The following RALGPS1 variants were observed in gnomAD, a reference collection of about 807,000 sequenced individuals.
The protein encoded by RALGPS1 is Ral GEF with PH domain and SH3 binding motif 1.
Under a neutral mutation model 78.8 loss-of-function variants are expected in RALGPS1, and 19 were observed. That is an observed-to-expected ratio of 0.24 (90% CI 0.17 to 0.35). The LOEUF (loss-of-function observed/expected upper bound fraction) is 0.35, where lower values mean the gene tolerates loss of function less well. RALGPS1 is among the 10% of genes least tolerant of loss of function. The pLI is 1.00. For missense variants in RALGPS1, 454 were observed against 688.3 expected, an observed-to-expected ratio of 0.66 and a Z score of 3.81; for synonymous variants, 228 against 256.3, an observed-to-expected ratio of 0.89 and a Z score of 1.06.
chr9:127,057,842 C>T (rs1253325496), intron 7 of RALGPS1, among the ~76,000 whole-genome samples: 1 of 152,168 alleles, frequency 6.6e-6, no homozygotes, highest in Non-Finnish European at 1.5e-5. Flanking sequence ...CCTAGTCTGG[C>T]TGGCACAAGA....
chr9:127,175,080 A>T (rs2059782557), intron 11 of RALGPS1, among the ~76,000 whole-genome samples: 1 of 152,162 alleles, frequency 6.6e-6, no homozygotes, highest in South Asian at 2.1e-4. Context: ...AAGGTAGAGA[A>T]AGCCCCAGCA....
intron 8 of RALGPS1, among the ~76,000 whole-genome samples, chr9:127,075,802 C>A (rs1386604254): frequency 6.6e-6 from 1 of 152,218 alleles, no homozygotes; most frequent in East Asian, 1.9e-4. Flanking sequence ...TGTAACAATT[C>A]TTTTAACCCT....
At chr9:127,137,377 G>A (rs772624821) in intron 8 of RALGPS1, among the ~76,000 whole-genome samples, 2 of 152,234 alleles carry the variant, frequency 1.3e-5, no homozygotes, top group Non-Finnish European at 2.9e-5. Context: ...GAACTGTCAG[G>A]ATGACACCAC....
intron 1 of RALGPS1, among the ~76,000 whole-genome samples, chr9:126,921,797 A>G (rs1483347715): frequency 6.6e-6 from 1 of 152,246 alleles, no homozygotes. Context: ...GGGAGACGCT[A>G]CAAAATAGGG....
intron 8 of RALGPS1, among the ~76,000 whole-genome samples, chr9:127,086,810 A>C (rs1192763869): frequency 6.6e-6 from 1 of 152,026 alleles, no homozygotes; most frequent in Non-Finnish European, 1.5e-5. Context: ...TTACAAGGAG[A>C]CAGTTCTAGC....
chr9:127,171,012 C>T (rs1022245338), intron 10 of RALGPS1, among the ~76,000 whole-genome samples: 2 of 152,258 alleles, frequency 1.3e-5, no homozygotes, highest in Non-Finnish European at 2.9e-5. Flanking sequence ...TCCTCACCCA[C>T]AAGGATGCAA....
chr9:127,187,876 A>C (rs1385330498), intron 11 of RALGPS1, among the ~76,000 whole-genome samples: 1 of 152,048 alleles, frequency 6.6e-6, no homozygotes, highest in African/African-American at 2.4e-5. Flanking sequence ...CAGCGCTTTG[A>C]GCAGAGTTTC....
intron 4 of RALGPS1, among the ~76,000 whole-genome samples, chr9:126,980,371 C>A (rs1286267015): frequency 2.0e-5 from 3 of 152,186 alleles, no homozygotes; most frequent in African/African-American, 4.8e-5. Flanking sequence ...GGCTGTGTTT[C>A]AACCCTGGCT....
intron 4 of RALGPS1, among the ~76,000 whole-genome samples, chr9:126,986,723 C>G (rs78342049): frequency 6.6e-5 from 10 of 152,312 alleles, no homozygotes; most frequent in African/African-American, 2.4e-4. Context: ...ACAGCCTGTG[C>G]TTTATTCAGC....
intron 1 of RALGPS1, among the ~76,000 whole-genome samples, chr9:126,950,626 A>G (rs2037721603): frequency 6.6e-6 from 1 of 152,136 alleles, no homozygotes; most frequent in Non-Finnish European, 1.5e-5. Flanking sequence ...ACGAGAACAA[A>G]GACACAACAT....
chr9:127,195,638 C>T (rs1271893673), intron 12 of RALGPS1, among the ~76,000 whole-genome samples: 2 of 152,244 alleles, frequency 1.3e-5, no homozygotes, highest in Non-Finnish European at 2.9e-5. Context: ...AACCTGCTGG[C>T]TCATCAGTCC....
chr9:126,966,319 G>A (rs987360885), intron 3 of RALGPS1, among the ~76,000 whole-genome samples: 4 of 152,068 alleles, frequency 2.6e-5, no homozygotes, highest in African/African-American at 9.7e-5. Flanking sequence ...AGGAGTTCGA[G>A]ATCAGCCTGG....
At chr9:126,999,577 G>A (rs968141912) in intron 4 of RALGPS1, among the ~76,000 whole-genome samples, 5 of 152,140 alleles carry the variant, frequency 3.3e-5, no homozygotes, top group Non-Finnish European at 5.9e-5. Context: ...GAATCATATA[G>A]TATGTAGCCT....
rs200658206 is a variant in RALGPS1, at chr9:127,030,468, G to T, written c.217-3963G>T. On this transcript the variant is annotated intron_variant, in intron 4 of 18. Transcript: ENST00000259351. Reference sequence around the variant, plus strand: ...AATATGGTGGAGGCTAAGAGCGGCCGGTGAAGGGGCGCTAATTTCCTAGTT... The same window carrying T: ...AATATGGTGGAGGCTAAGAGCGGCCTGTGAAGGGGCGCTAATTTCCTAGTT... Among the ~76,000 whole-genome samples the T allele has an allele frequency of 5.2e-4, 79 of 152,164 alleles. No individual in the cohort carries two copies. The East Asian group carries it at 0.01, about 20-fold the overall frequency.
At chr9:127,120,338 T>C (rs536363428) in intron 8 of RALGPS1, among the ~76,000 whole-genome samples, 2 of 152,320 alleles carry the variant, frequency 1.3e-5, no homozygotes, top group South Asian at 4.1e-4. Flanking sequence ...TCTGCACTTT[T>C]TCTTAGTATG....
At chr9:127,034,988 C>A (rs995380836) in intron 5 of RALGPS1, among the ~76,000 whole-genome samples, 6 of 152,156 alleles carry the variant, frequency 3.9e-5, no homozygotes, top group African/African-American at 1.4e-4. Flanking sequence ...TTTGGGGAGT[C>A]TTCCCTGAAT....
At chr9:126,924,067 A>T (rs490809) in intron 1 of RALGPS1, among the ~76,000 whole-genome samples, 1 of 152,054 alleles carries the variant, frequency 6.6e-6, no homozygotes, top group African/African-American at 2.4e-5. Context: ...CCAGATGAGG[A>T]TGGAGGCTTT....
At chr9:127,031,228 C>G (rs1030008117) in intron 4 of RALGPS1, among the ~76,000 whole-genome samples, 1 of 152,176 alleles carries the variant, frequency 6.6e-6, no homozygotes, top group Non-Finnish European at 1.5e-5. Context: ...CAGTGTGGAC[C>G]TTTTTTAGGC....
intron 1 of RALGPS1, among the ~76,000 whole-genome samples, chr9:126,942,968 T>C (rs1358579584): frequency 6.6e-6 from 1 of 152,224 alleles, no homozygotes; most frequent in Non-Finnish European, 1.5e-5. Context: ...CATTACGCTT[T>C]CTAGCTGGCT....
Sources: gnomAD v4.1 joint callset for allele counts (sites outside exome capture counted in the v4.1 genomes callset) on GRCh38, gnomAD v4.1.1 for gene constraint, MANE v1.5 for transcripts, NCBI Gene and HGNC (gene_info 2026-07-23, HGNC 2026-07-21) for gene names.